The following PFKM variants were observed in gnomAD, a reference collection of about 807,000 sequenced individuals.
PFKM encodes the protein phosphofructokinase, muscle.
In PFKM, 58 loss-of-function variants were observed where a neutral mutation model predicts 95.5. The ratio of observed to expected loss-of-function variants is 0.61; its 90% CI spans 0.49 to 0.76. The LOEUF (loss-of-function observed/expected upper bound fraction) is 0.76. Ranked by LOEUF, PFKM falls within the 30% of genes least tolerant of loss-of-function variation. The pLI is 0.00. For synonymous variants in PFKM, 336 were observed against 357.2 expected (o/e 0.94, Z 0.67); for missense variants, 678 against 1,005.4 (o/e 0.67, Z 4.40).
chr12:48,145,085 G>T lies in PFKM; in HGVS notation c.2047G>T (p.Ala683Ser). ...TTTTGCCACTAAGATGGGCGCCAAG[G>T]CTATGAACTGGATGTCTGGGAAAAT... ...RNFATKMGAK[A>S]MNWMSGKIKE... Residue 683 changes from alanine (A) to serine (S), a missense_variant, in exon 21 of 23, where the codon GCT becomes TCT. Transcript: ENST00000359794. The surrounding 1 kb of genome is among the most constrained non-coding windows in gnomAD (Gnocchi z 4.3). The T allele has an allele frequency of 1.2e-6, 2 of 1,614,156 alleles. No homozygotes were observed. The highest frequency in any genetic ancestry group is 1.7e-6 in the Non-Finnish European group (2 of 1,180,006).
At chr12:48,108,096 T>C in exon 3 of PFKM, 1 of 1,599,416 alleles carries the variant, frequency 6.3e-7, no homozygotes, top group Non-Finnish European at 8.5e-7. Flanking sequence ...ACTTCCAGCA[T>C]GCTCATACCA....
chr12:48,140,824 C>T lies in PFKM; in HGVS notation c.1294C>T (p.Arg432Ter), dbSNP rs41291965. Residue 432 changes from arginine to a stop codon, truncating the protein, a stop_gained, in exon 14 of 23, where the codon CGA becomes TGA. Coordinates refer to ENST00000359794, the MANE Select transcript of PFKM (RefSeq NM_000289.6). LOFTEE classifies it high-confidence loss of function. ...TVRIGLIQGN[R>*]VLVVHDGFEG... is the part of the protein sequence containing the mutation. Reference sequence around the variant, plus strand: ...GAGGATTGGCCTTATCCAGGGCAACCGAGTGCTCGTTGTCCATGATGGTTT... The same window carrying T: ...GAGGATTGGCCTTATCCAGGGCAACTGAGTGCTCGTTGTCCATGATGGTTT... The T allele has an allele frequency of 9.9e-6, 16 of 1,614,152 alleles. No individual in the cohort carries two copies. The highest frequency in any genetic ancestry group is 4.5e-5 in the East Asian group (2 of 44,878).
chr12:48,136,823 A>G (rs1005282518), intron 10 of PFKM, among the ~76,000 whole-genome samples: 7 of 148,692 alleles, frequency 4.7e-5, no homozygotes, highest in Admixed American at 1.4e-4. Flanking sequence ...GCATGGTCTC[A>G]GCTCACTGCA....
At chr12:48,119,832 A>C (rs1030662456) in intron 1 of PFKM, 1 of 152,230 alleles carries the variant, frequency 6.6e-6, no homozygotes, top group East Asian at 1.9e-4. Context: ...GTGGGTCTGT[A>C]AGGGATGCTT....
At chr12:48,122,206 C>T (rs1026668489) in intron 1 of PFKM, among the ~76,000 whole-genome samples, 28 of 152,170 alleles carry the variant, frequency 1.8e-4, no homozygotes, top group African/African-American at 6.5e-4. Context: ...TCTGATGTGC[C>T]TTTATAGCCT....
In PFKM at chr12:48,141,398, A is replaced by T. The variant is rs1369522918; in HGVS notation, c.1412+17A>T. 1 of 1,608,218 alleles carries T rather than the reference A, an allele frequency of 6.2e-7. No homozygotes were observed. Among genetic ancestry groups the T allele is most frequent in the Non-Finnish European group, 8.5e-7 (1 of 1,174,710 alleles). The stretch of plus-strand genomic sequence containing the variant: ...GACTAAAAGGTAAGTAGCACTGCAG[A>T]GGCACCTCCTCCCAGTCACCTCTTA... On this transcript the variant is annotated intron_variant, in intron 15 of 22. Coordinates refer to ENST00000359794, the MANE Select transcript of PFKM (RefSeq NM_000289.6).
chr12:48,134,665 G>C, intron 7 of PFKM, 56 bp from the exon 8 acceptor site: 8 of 1,206,974 alleles, frequency 6.6e-6, no homozygotes, highest in Non-Finnish European at 9.9e-6. Flanking sequence ...TTGGGTATGG[G>C]TGAGGCTATT....
intron 2 of PFKM, among the ~76,000 whole-genome samples, chr12:48,128,020 T>C (rs1328626766): frequency 1.3e-5 from 2 of 152,236 alleles, no homozygotes; most frequent in Non-Finnish European, 2.9e-5. Context: ...CACCATTTCC[T>C]AGTTTATATT....
At chr12:48,116,540 G>A (rs895217003), upstream of PFKM, among the ~76,000 whole-genome samples, 13 of 152,218 alleles carry the variant, frequency 8.5e-5, no homozygotes, top group African/African-American at 2.4e-4. Context: ...GTGTGGTGGC[G>A]CAATCTCGGC....
upstream of PFKM, among the ~76,000 whole-genome samples, chr12:48,115,306 G>T (rs564638593): frequency 2.0e-5 from 3 of 152,206 alleles, no homozygotes; most frequent in Non-Finnish European, 4.4e-5. Flanking sequence ...CAACGAGGCT[G>T]TTTATTTCAC....
intron 3 of PFKM, among the ~76,000 whole-genome samples, chr12:48,108,350 AAGAGAG>A (rs950173579): frequency 6.6e-6 from 1 of 151,844 alleles, no homozygotes; most frequent in East Asian, 1.9e-4. Context: ...GAGAGAGAGA[AAGAGAG>A]AGAGAAAGAG....
chr12:48,127,238 C>CCCCCCTTCCCCTT (rs1442498372), intron 2 of PFKM, among the ~76,000 whole-genome samples: 19 of 106,574 alleles, frequency 1.8e-4, no homozygotes, highest in African/African-American at 4.8e-4. Flanking sequence ...TATCATGGAA[C>CCCCCCTTCCCCTT]CCCCCTTCCC....
In PFKM at chr12:48,134,814, T is replaced by A; in HGVS notation, c.732T>A (p.Cys244Ter). Residue 244 changes from cysteine to a stop codon, truncating the protein, a stop_gained, in exon 8 of 23, where the codon TGT becomes TGA. Transcript: ENST00000359794. LOFTEE classifies it high-confidence loss of function. ...ATGACGACTGGGAGGAACACCTTTG[T>A]CGCCGACTCAGCGAGGTACTTGCAC... The part of the protein sequence containing the change: ...PPDDDWEEHL[C>*]RRLSETRTRG... 6.2e-7 allele frequency: 1 copy of A among 1,613,902 alleles called. No individual in the cohort carries two copies. Among genetic ancestry groups the A allele is most frequent in the Non-Finnish European group, 8.5e-7 (1 of 1,179,780 alleles).
At chr12:48,114,863 C>T (rs61343568), upstream of PFKM, among the ~76,000 whole-genome samples, 62,967 of 151,878 alleles carry the variant, frequency 0.41, 14,241 homozygotes, top group East Asian at 0.74. Flanking sequence ...TGGTGCAAAG[C>T]GGTGTTGCAG....
At chr12:48,127,733 A>T (rs1949006651) in intron 2 of PFKM, among the ~76,000 whole-genome samples, 1 of 152,204 alleles carries the variant, frequency 6.6e-6, no homozygotes, top group Non-Finnish European at 1.5e-5. Context: ...AGATCGCATC[A>T]TGTCCCTCTG....
rs187166152 is a variant in PFKM, at chr12:48,108,827, A to T, written c.205+633A>T. Among the ~76,000 whole-genome samples, 53 of 152,358 alleles carry T rather than the reference A, an allele frequency of 3.5e-4. No individual in the cohort carries two copies. The East Asian group carries it at 4.0e-3, about 12-fold the overall frequency. On this transcript the variant is annotated intron_variant, in intron 3 of 24. Transcript: ENST00000340802. The stretch of plus-strand genomic sequence containing the variant: ...TACTGGAAATGATAGATTATAAAAC[A>T]TATGTATAAGGCATATCCTTGCCAT...
At chr12:48,140,060 T>C (rs1168425129) in intron 13 of PFKM, 148 bp downstream of exon 13, 6 of 654,718 alleles carry the variant, frequency 9.2e-6, no homozygotes, top group African/African-American at 3.6e-5. Context: ...GGCCCTATTA[T>C]AATGATTTCC....
chr12:48,141,167 C>T (rs1323055108), intron 14 of PFKM, 144 bp from the exon 15 acceptor site: 26 of 784,404 alleles, frequency 3.3e-5, no homozygotes, highest in Middle Eastern at 3.6e-4. Flanking sequence ...AAGTTGAGTG[C>T]GTGGGGAAAA....
intron 17 of PFKM, 78 bp downstream of exon 17, chr12:48,142,144 G>A: frequency 1.5e-6 from 2 of 1,345,114 alleles, no homozygotes; most frequent in South Asian, 2.3e-5. Flanking sequence ...CAAACAGTGA[G>A]CTACTCTTTA....
Sources: gnomAD v4.1 joint callset for allele counts (sites outside exome capture counted in the v4.1 genomes callset) on GRCh38, gnomAD v4.1.1 for gene constraint, Gnocchi (gnomAD v3.1) non-coding constraint, MANE v1.5 for transcripts, NCBI Gene and HGNC (gene_info 2026-07-23, HGNC 2026-07-21) for gene names.